Variants in DCHS2 observed in about 807,000 individuals in gnomAD.
DCHS2 encodes dachsous cadherin-related 2.
DCHS2 carries 142 observed loss-of-function variants against 182.4 expected under a neutral mutation model. That is an observed-to-expected ratio of 0.78 (90% CI 0.68 to 0.89). DCHS2 has a LOEUF of 0.89. Ranked by LOEUF, DCHS2 falls within the 40% of genes least tolerant of loss-of-function variation. DCHS2 has a pLI of 0.00. For missense variants in DCHS2, 4,319 were observed against 4,198.6 expected, an observed-to-expected ratio of 1.03 and a Z score of -0.79; for synonymous variants, 1,740 against 1,663.3, an observed-to-expected ratio of 1.05 and a Z score of -1.12.
intron 9 of DCHS2, 73 bp downstream of exon 9, chr4:154,320,306 G>A (rs1304883645): frequency 6.5e-7 from 1 of 1,530,782 alleles, no homozygotes; most frequent in African/African-American, 1.4e-5. Flanking sequence ...AACTTTGTTA[G>A]GAGGGTGGGT....
At chr4:154,245,822 C>T (rs1732044760) in intron 16 of DCHS2, among the ~76,000 whole-genome samples, 2 of 151,944 alleles carry the variant, frequency 1.3e-5, no homozygotes, top group African/African-American at 4.8e-5. Context: ...GATGAGTGGG[C>T]CAAAGGAAAT....
In DCHS2 at chr4:154,366,289, G is replaced by A. The variant is rs1291631856; in HGVS notation, c.2397C>T (p.Asp799=). Residue 799 remains aspartate, a synonymous_variant, in exon 3 of 20, where the codon GAC becomes GAT. Transcript: ENST00000357232. ...EIINVLATDQ[D]SGIYGTVAYE... is the part of the protein sequence containing the mutation. The stretch of plus-strand genomic sequence containing the variant: ...AAGCCACTGTCCCATATATCCCAGA[G>A]TCCTGGTCAGTGGCAAGAACATTGA... 1.9e-6 allele frequency: 3 copies of A among 1,613,844 alleles called. No homozygotes were observed. In the Admixed American group the frequency reaches 5.0e-5, roughly 27 times the overall value.
At position 154,360,050 on chromosome 4, in the gene DCHS2, G is replaced by T. The variant is rs988021479; in HGVS notation, c.2476+6160C>A. On this transcript the variant is annotated intron_variant, in intron 3 of 19. Coordinates refer to ENST00000357232, the MANE Select transcript of DCHS2 (RefSeq NM_001358235.2). ...TGCAAGAAGTAAATTCAAGTGTCAG[G>T]TTTACTACTGTGTCTTTGAGTAAGT... is the stretch of plus-strand genomic sequence containing the variant. Among the ~76,000 whole-genome samples the T allele has an allele frequency of 3.2e-4, 48 of 151,872 alleles. 1 individual carries two copies. Among genetic ancestry groups the T allele is most frequent in the Admixed American group, 3.0e-3 (45 of 15,234 alleles).
At chr4:154,286,876 G>A (rs1351308972) in intron 13 of DCHS2, among the ~76,000 whole-genome samples, 1 of 152,052 alleles carries the variant, frequency 6.6e-6, no homozygotes, top group Non-Finnish European at 1.5e-5. Flanking sequence ...AGAACACCAA[G>A]CAGTTTTAAC....
chr4:154,371,151 CTG>C (rs1730626032), intron 2 of DCHS2, among the ~76,000 whole-genome samples: 2 of 150,768 alleles, frequency 1.3e-5, no homozygotes, highest in South Asian at 4.2e-4. Context: ...AAGAGGAAGA[CTG>C]TGAACAAAGT....
intron 1 of DCHS2, among the ~76,000 whole-genome samples, chr4:154,448,286 T>C (rs902522655): frequency 2.6e-5 from 4 of 152,182 alleles, no homozygotes; most frequent in African/African-American, 4.8e-5. Flanking sequence ...TCTATGAATG[T>C]ATCTTTTGCT....
chr4:154,430,235 C>T (rs1579075693), intron 1 of DCHS2, among the ~76,000 whole-genome samples: 1 of 152,150 alleles, frequency 6.6e-6, no homozygotes, highest in Non-Finnish European at 1.5e-5. Flanking sequence ...ATAAAATGCT[C>T]TTTTTTCAAC....
At chr4:154,449,840 G>T (rs1734462305) in intron 1 of DCHS2, among the ~76,000 whole-genome samples, 1 of 152,106 alleles carries the variant, frequency 6.6e-6, no homozygotes, top group African/African-American at 2.4e-5. Flanking sequence ...TTGCCTTCAC[G>T]TTTGTGATAA....
At chr4:154,467,008 T>C (rs1735268285) in intron 1 of DCHS2, among the ~76,000 whole-genome samples, 1 of 152,202 alleles carries the variant, frequency 6.6e-6, no homozygotes, top group Non-Finnish European at 1.5e-5. Context: ...CAGCATCTGG[T>C]ACAGTATTTA....
At chr4:154,339,310 C>T (rs566973458) in intron 3 of DCHS2, among the ~76,000 whole-genome samples, 7 of 152,298 alleles carry the variant, frequency 4.6e-5, no homozygotes, top group South Asian at 2.1e-4. Context: ...CATTCTAGGG[C>T]TGGCCATCTG....
At chr4:154,478,895 C>T (rs1342870331) in intron 1 of DCHS2, among the ~76,000 whole-genome samples, 2 of 152,134 alleles carry the variant, frequency 1.3e-5, no homozygotes, top group African/African-American at 2.4e-5. Context: ...GAAGAATCTA[C>T]GGTCTCCACA....
At chr4:154,366,469 A>G (rs1730367259) in intron 2 of DCHS2, 28 bp from the exon 3 acceptor site, 4 of 1,531,226 alleles carry the variant, frequency 2.6e-6, no homozygotes, top group Non-Finnish European at 2.7e-6. Flanking sequence ...GGTGATTACA[A>G]ATGGGTTTTT....
chr4:154,331,770 T>C, intron 5 of DCHS2: 1 of 1,540,980 alleles, frequency 6.5e-7, no homozygotes, highest in South Asian at 1.2e-5. Flanking sequence ...TTGGGTGTAC[T>C]ACTCGAGCTA....
At chr4:154,396,074 G>T (rs1222327185) in intron 1 of DCHS2, among the ~76,000 whole-genome samples, 1 of 152,182 alleles carries the variant, frequency 6.6e-6, no homozygotes. Context: ...AAGAAATTGA[G>T]CATGATCAGC....
intron 1 of DCHS2, among the ~76,000 whole-genome samples, chr4:154,450,262 G>A (rs1734479088): frequency 6.6e-6 from 1 of 152,184 alleles, no homozygotes; most frequent in African/African-American, 2.4e-5. Flanking sequence ...GAATAGAAAG[G>A]GGACGAGGGA....
At chr4:154,266,517 G>A (rs959937223) in intron 14 of DCHS2, among the ~76,000 whole-genome samples, 2 of 152,034 alleles carry the variant, frequency 1.3e-5, no homozygotes, top group Non-Finnish European at 1.5e-5. Context: ...TTACCTGGGT[G>A]TGGTGGCGCA....
intron 1 of DCHS2, among the ~76,000 whole-genome samples, chr4:154,381,587 T>C (rs935549167): frequency 2.0e-5 from 3 of 152,064 alleles, no homozygotes; most frequent in Admixed American, 1.3e-4. Flanking sequence ...TTCAGTAAAG[T>C]TTCAAGATAT....
intron 1 of DCHS2, among the ~76,000 whole-genome samples, chr4:154,471,654 T>C (rs1423600898): frequency 6.6e-6 from 1 of 152,104 alleles, no homozygotes; most frequent in East Asian, 1.9e-4. Flanking sequence ...AGCAAACATC[T>C]CTGCCATCCT....
intron 1 of DCHS2, among the ~76,000 whole-genome samples, chr4:154,486,262 G>A (rs1326807485): frequency 6.6e-6 from 1 of 152,202 alleles, no homozygotes; most frequent in Non-Finnish European, 1.5e-5. Flanking sequence ...GTCAGGGCAT[G>A]AGAATATAAG....
Sources: allele counts gnomAD v4.1 joint callset (sites outside exome capture counted in the v4.1 genomes callset), GRCh38; gene constraint gnomAD v4.1.1; transcripts MANE v1.5; gene names NCBI Gene and HGNC (gene_info 2026-07-23, HGNC 2026-07-21).